FBXL2: variants seen among roughly 807,000 people sequenced by gnomAD.
FBXL2 encodes the protein F-box/LRR-repeat protein 2.
Under a neutral mutation model 69.2 loss-of-function variants are expected in FBXL2, and 38 were observed. That is an observed-to-expected ratio of 0.55 (90% confidence interval 0.42 to 0.72). The LOEUF (loss-of-function observed/expected upper bound fraction) is 0.72, where lower values mean the gene tolerates loss of function less well. Among genes scored for constraint, FBXL2 ranks in the 30% least tolerant of loss-of-function variants. The pLI is 0.00. For synonymous variants in FBXL2, 192 were observed against 201.3 expected (o/e 0.95, Z 0.39); for missense variants, 354 against 520.3 (o/e 0.68, Z 3.11).
At chr3:33,330,816 G>A (rs2039087973) in intron 2 of FBXL2, among the ~76,000 whole-genome samples, 1 of 151,998 alleles carries the variant, frequency 6.6e-6, no homozygotes, top group South Asian at 2.1e-4. Context: ...TTGAACCTGG[G>A]AGGCGGAGGT....
intron 2 of FBXL2, among the ~76,000 whole-genome samples, chr3:33,298,711 A>G (rs550888850): frequency 0.01 from 1,578 of 151,682 alleles, 23 homozygotes; most frequent in Non-Finnish European, 0.017. Flanking sequence ...AAAAAAAAAA[A>G]AAAAAAAGCT....
intron 2 of FBXL2, among the ~76,000 whole-genome samples, chr3:33,341,615 AG>A (rs1451201413): frequency 6.6e-6 from 1 of 152,064 alleles, no homozygotes; most frequent in Non-Finnish European, 1.5e-5. Flanking sequence ...AGATCACCTG[AG>A]GTCAGGAGTT....
Position 33,373,828 on chromosome 3 carries a change from GT to G in FBXL2, c.583-15del. On this transcript the variant is annotated intron_variant, in intron 8 of 14. Coordinates refer to ENST00000484457, the MANE Select transcript of FBXL2 (RefSeq NM_012157.5). ...CTCACCTGGATTCCAGCTGTCTTTT[GT>G]TTTCTCTGTCCACTCAGTTAGAAGA... 3 of 1,614,128 alleles carry G rather than the reference GT, an allele frequency of 1.9e-6. No individual in the cohort carries two copies. Among genetic ancestry groups the G allele is most frequent in the Non-Finnish European group, 2.5e-6 (3 of 1,179,980 alleles).
intron 1 of FBXL2, among the ~76,000 whole-genome samples, chr3:33,293,972 C>G (rs1044581676): frequency 6.6e-6 from 1 of 152,088 alleles, no homozygotes; most frequent in African/African-American, 2.4e-5. Context: ...TATGTAAGAC[C>G]ACAAAACAAG....
At chr3:33,294,880 C>T (rs1014805318) in intron 1 of FBXL2, among the ~76,000 whole-genome samples, 4 of 151,344 alleles carry the variant, frequency 2.6e-5, no homozygotes, top group African/African-American at 9.7e-5. Context: ...TAACTTTGCA[C>T]CTCAAGGAAC....
intron 2 of FBXL2, among the ~76,000 whole-genome samples, chr3:33,330,191 A>T (rs1445055636): frequency 1.3e-5 from 2 of 151,934 alleles, no homozygotes; most frequent in Non-Finnish European, 2.9e-5. Flanking sequence ...GCTGAGGTGG[A>T]AGGATCTCTT....
In FBXL2 at chr3:33,380,558, A is replaced by T. The variant is rs1413992681; in HGVS notation, c.951+1817A>T. Reference sequence around the variant, plus strand: ...GGGCAACAAGAGCAAAACTCCATAAAAAAAAAAAAAAAAAAAGTACCAGGA... The same window carrying T: ...GGGCAACAAGAGCAAAACTCCATAATAAAAAAAAAAAAAAAAGTACCAGGA... On this transcript the variant is annotated intron_variant, in intron 13 of 14. Coordinates refer to ENST00000484457, the MANE Select transcript of FBXL2 (RefSeq NM_012157.5). 6.2e-5 allele frequency among the ~76,000 whole-genome samples: 8 copies of T among 129,246 alleles called. No individual in the cohort carries two copies. The East Asian group carries it at 1.5e-3, about 24-fold the overall frequency. The allele number at this position is 129,246 out of a possible 152,430, so 84.8% of individuals were successfully genotyped here.
chr3:33,374,542 AT>A (rs773837948), intron 9 of FBXL2, among the ~76,000 whole-genome samples: 46 of 152,324 alleles, frequency 3.0e-4, no homozygotes, highest in Middle Eastern at 3.4e-3. Flanking sequence ...TGAATATATT[AT>A]AAATCTTTAG....
intron 2 of FBXL2, among the ~76,000 whole-genome samples, chr3:33,341,996 TTCTTTA>T (rs1185956341): frequency 2.7e-5 from 4 of 146,726 alleles, no homozygotes; most frequent in Non-Finnish European, 5.9e-5. Context: ...TTCCTTTCTT[TTCTTTA>T]TCTTTTTTTT....
At chr3:33,347,534 C>A (rs1014048199) in intron 2 of FBXL2, among the ~76,000 whole-genome samples, 1 of 151,996 alleles carries the variant, frequency 6.6e-6, no homozygotes, top group African/African-American at 2.4e-5. Flanking sequence ...GGGTATATAC[C>A]CAGCAGTGGA....
the FBXL2 span, among the ~76,000 whole-genome samples, chr3:33,422,024 C>G: frequency 6.6e-6 from 1 of 151,964 alleles, no homozygotes; most frequent in Non-Finnish European, 1.5e-5. Context: ...GCCTAAGAGA[C>G]AGAGTGAGAC....
chr3:33,357,277 A>T (rs931127610), intron 2 of FBXL2, among the ~76,000 whole-genome samples: 1 of 152,068 alleles, frequency 6.6e-6, no homozygotes, highest in Non-Finnish European at 1.5e-5. Context: ...TTAGAACCCA[A>T]TCCCTGCATG....
chr3:33,312,596 G>T (rs1196001036), intron 2 of FBXL2, among the ~76,000 whole-genome samples: 5 of 152,104 alleles, frequency 3.3e-5, no homozygotes, highest in Non-Finnish European at 7.4e-5. Flanking sequence ...AGGCTATCTG[G>T]CTTCCAGCCC....
downstream of FBXL2, chr3:33,390,090 G>A (rs1056704181): frequency 1.7e-5 from 8 of 466,076 alleles, no homozygotes; most frequent in Admixed American, 7.2e-5. Flanking sequence ...TGCCTGCACC[G>A]TGGCCTCCAG....
At chr3:33,322,538 T>TG (rs1300891925) in intron 2 of FBXL2, among the ~76,000 whole-genome samples, 1 of 151,948 alleles carries the variant, frequency 6.6e-6, no homozygotes, top group Non-Finnish European at 1.5e-5. Flanking sequence ...TAATGCTGAG[T>TG]GAAAAAAAAA....
intron 1 of FBXL2, among the ~76,000 whole-genome samples, chr3:33,286,915 G>C (rs143879452): frequency 2.6e-5 from 4 of 152,166 alleles, no homozygotes; most frequent in African/African-American, 9.7e-5. Context: ...GGAGTGTCCC[G>C]ATTTTCCAGG....
At chr3:33,378,024 C>T in intron 11 of FBXL2, 79 bp from the exon 12 acceptor site, 1 of 1,374,664 alleles carries the variant, frequency 7.3e-7, no homozygotes. Context: ...TGGGCCAATA[C>T]TCAGAGGGAT....
At position 33,401,686 on chromosome 3, in the gene FBXL2, A is replaced by ACTT. The variant is rs1335664956; in HGVS notation, n.1215-1547_1215-1545dup. Among the ~76,000 whole-genome samples the ACTT allele has an allele frequency of 3.7e-4, 57 of 152,326 alleles. 1 individual carries two copies. The highest frequency in any genetic ancestry group is 1.3e-3 in the African/African-American group (56 of 41,572). Reference sequence around the variant, plus strand: ...ATTTATATCCTTTCTACCCATAAGAACTTAAGCTCCTTCAGACGGGGGTCT... The same window carrying ACTT: ...ATTTATATCCTTTCTACCCATAAGAACTTCTTAAGCTCCTTCAGACGGGGGTCT... On this transcript the variant is annotated intron_variant and non_coding_transcript_variant, in intron 12 of 12. Transcript: ENST00000463736.
downstream of FBXL2, chr3:33,392,541 G>GAC (rs762688455): frequency 2.7e-5 from 43 of 1,599,548 alleles, no homozygotes; most frequent in African/African-American, 1.9e-4. Context: ...AGCATTTTAA[G>GAC]ACACACACAC....
Sources: gnomAD v4.1 joint callset for allele counts (sites outside exome capture counted in the v4.1 genomes callset) on GRCh38, gnomAD v4.1.1 for gene constraint, MANE v1.5 for transcripts, NCBI Gene and HGNC (gene_info 2026-07-23, HGNC 2026-07-21) for gene names.